RMC1: variants seen among roughly 807,000 people sequenced by gnomAD.
The protein encoded by RMC1 is regulator of MON1-CCZ1.
RMC1 carries 44 observed loss-of-function variants against 95.5 expected under a neutral mutation model. That is an observed-to-expected ratio of 0.46 (90% CI 0.36 to 0.59). The LOEUF is 0.59. Ranked by LOEUF, RMC1 falls within the 20% of genes least tolerant of loss-of-function variation. RMC1 has a pLI of 0.00. For synonymous variants in RMC1, 320 were observed against 303.6 expected, an observed-to-expected ratio of 1.05 and a Z score of -0.56; for missense variants, 705 against 819.6, an observed-to-expected ratio of 0.86 and a Z score of 1.71.
chr18:23,507,110 A>G lies in RMC1; in HGVS notation c.264+56A>G, dbSNP rs2057735026. On this transcript the variant is annotated intron_variant, in intron 3 of 19. Coordinates refer to ENST00000269221, the MANE Select transcript of RMC1 (RefSeq NM_013326.5). ...AGGGCATTAGAAATACATTTGGAAG[A>G]GAAGGAATCGCAAATTTTCAGTGTT... 5.5e-6 allele frequency: 7 copies of G among 1,283,058 alleles called. 1 individual carries two copies. In the South Asian group the frequency reaches 9.1e-5, roughly 17 times the overall value. The allele number at this position is 1,283,058 out of a possible 1,614,324, so 79.5% of individuals were successfully genotyped here.
chr18:23,516,718 TTTCTTC>T (rs142986954), intron 7 of RMC1, among the ~76,000 whole-genome samples: 2 of 145,320 alleles, frequency 1.4e-5, no homozygotes, highest in Non-Finnish European at 3.0e-5. Flanking sequence ...TGTTTTAGAA[TTTCTTC>T]TTCTTTTTTT....
In RMC1 at chr18:23,503,626, A is replaced by C. The variant is rs1271362936; in HGVS notation, c.8A>C (p.Glu3Ala). MG[E>A]EDYYLELCER... Reference sequence around the variant, plus strand: ...GCGGGCGCGGCGCCCGCCATGGGCGAGGAGGACTACTATCTGGAGCTGTGC... The same window carrying C: ...GCGGGCGCGGCGCCCGCCATGGGCGCGGAGGACTACTATCTGGAGCTGTGC... The change falls in exon 1 of 20, where the codon GAG becomes GCG. Residue 3 changes from glutamate to alanine, a missense_variant. Glu to Ala is a moderately radical substitution (Grantham distance 107, BLOSUM62 -1). Transcript: ENST00000269221. 1.2e-5 allele frequency: 18 copies of C among 1,560,396 alleles called. No homozygotes were observed. In the East Asian group the frequency reaches 4.7e-4, roughly 41 times the overall value.
rs1378868378 is a variant in RMC1, at chr18:23,516,404, G to A, written c.634G>A (p.Asp212Asn). 1 of 1,614,204 alleles carries A rather than the reference G, an allele frequency of 6.2e-7. No individual in the cohort carries two copies. The highest frequency in any genetic ancestry group is 8.5e-7 in the Non-Finnish European group (1 of 1,180,024). The change falls in exon 7 of 20, where the codon GAC becomes AAC. Residue 212 changes from aspartate (D) to asparagine (N), a missense_variant. Asp to Asn is a conservative substitution (Grantham distance 23). Coordinates refer to ENST00000269221, the MANE Select transcript of RMC1 (RefSeq NM_013326.5). The stretch of plus-strand genomic sequence containing the variant: ...AACTAAACCCAGCCTTTCCGAAAGA[G>A]ACATCGCAATGGCTACCATGTATGT... ...KSTKPSLSER[D>N]IAMATIYGQL...
intron 5 of RMC1, among the ~76,000 whole-genome samples, chr18:23,515,426 A>T (rs1280577846): frequency 6.6e-6 from 1 of 152,236 alleles, no homozygotes; most frequent in Non-Finnish European, 1.5e-5. Flanking sequence ...GTTAAGTAGT[A>T]GCTGTAATAA....
At chr18:23,514,430 G>A (rs1219664463) in intron 5 of RMC1, among the ~76,000 whole-genome samples, 1 of 152,102 alleles carries the variant, frequency 6.6e-6, no homozygotes, top group Non-Finnish European at 1.5e-5. Context: ...GGTGGTGGGC[G>A]CCTATAATCC....
chr18:23,528,902 G>A (rs935968952), intron 14 of RMC1: 11 of 282,434 alleles, frequency 3.9e-5, no homozygotes, highest in African/African-American at 2.0e-4. Flanking sequence ...TTTTTGAGAC[G>A]GAGTTTTGTT....
rs765881491 is a variant in RMC1, at chr18:23,512,254, CAAAT to C, written c.408+2978_408+2981del. ...CAGGCTGGTCTTGAACCCCTGGCCT[CAAAT>C]AATCCACCTATCTCGGCCCCCTAAA... is the stretch of plus-strand genomic sequence containing the variant. On this transcript the variant is annotated intron_variant, in intron 5 of 19. Transcript: ENST00000269221. Among the ~76,000 whole-genome samples the C allele has an allele frequency of 2.2e-3, 338 of 152,136 alleles. 6 individuals are homozygous for C. The highest frequency in any genetic ancestry group is 7.4e-4 in the Non-Finnish European group (50 of 68,006).
chr18:23,517,605 T>C (rs1287738877), intron 7 of RMC1, among the ~76,000 whole-genome samples: 1 of 152,238 alleles, frequency 6.6e-6, no homozygotes. Context: ...TTACTTCTGA[T>C]TCTTCTGTGG....
intron 12 of RMC1, among the ~76,000 whole-genome samples, chr18:23,524,941 C>CTTTTTT (rs5823396): frequency 1.2e-3 from 83 of 69,204 alleles, no homozygotes; most frequent in East Asian, 2.0e-3. Flanking sequence ...TTAGAGAAAT[C>CTTTTTT]TTTTTTTTTT....
rs73392106 is a variant in RMC1 at position 23,531,370 on chromosome 18, T to C, written c.1895-255T>C. The C allele has an allele frequency of 5.1e-3, 2,759 of 546,060 alleles. 63 individuals carry two copies. The highest frequency in any genetic ancestry group is 0.049 in the African/African-American group (2,592 of 52,716). 33.8% of individuals were successfully genotyped at this position (546,060 alleles called of 1,614,324 possible). ...ATAGGGAAGGATCAGGGCTGTCTAATGAAACTTCTAGGTCTATTTCTAGCT... is the reference window on the plus strand; with the variant it reads ...ATAGGGAAGGATCAGGGCTGTCTAACGAAACTTCTAGGTCTATTTCTAGCT... On this transcript the variant is annotated intron_variant, in intron 19 of 19. Transcript: ENST00000269221.
At chr18:23,507,935 G>A in intron 3 of RMC1, 50 bp from the exon 4 acceptor site, 2 of 1,569,668 alleles carry the variant, frequency 1.3e-6, no homozygotes, top group African/African-American at 1.4e-5. Flanking sequence ...TAGGTTGGCA[G>A]TATGCTGCCT....
intron 12 of RMC1, among the ~76,000 whole-genome samples, chr18:23,526,326 G>C (rs1028090953): frequency 7.2e-5 from 11 of 152,202 alleles, no homozygotes; most frequent in Admixed American, 7.2e-4. Flanking sequence ...CTAGGTCTAG[G>C]GAAGTCCCCG....
chr18:23,531,760 A>G lies in RMC1; in HGVS notation c.*56A>G. ...TGTACAAAGTTAATTTATTGCATTAATAAAGCTCTTTAAACTATAAAATGT... is the reference window on the plus strand; with the variant it reads ...TGTACAAAGTTAATTTATTGCATTAGTAAAGCTCTTTAAACTATAAAATGT... On this transcript the variant is annotated 3_prime_UTR_variant, in exon 20 of 20. Coordinates refer to ENST00000269221, the MANE Select transcript of RMC1 (RefSeq NM_013326.5). The G allele has an allele frequency of 1.3e-6, 2 of 1,585,176 alleles. No individual in the cohort carries two copies. The highest frequency in any genetic ancestry group is 2.3e-5 in the South Asian group (2 of 85,900).
Position 23,529,305 on chromosome 18 carries a change from T to C in RMC1, c.1416+7T>C, listed in dbSNP as rs1652375. ...AGCCTTTGTGGAAAAGAAGGTGGGC[T>C]GCAGCTTTCCGCCTCTTCTGGACTG... is the stretch of plus-strand genomic sequence containing the variant. On this transcript the variant is annotated splice_region_variant and intron_variant, in intron 15 of 19. Coordinates refer to ENST00000269221, the MANE Select transcript of RMC1 (RefSeq NM_013326.5). 0.68 allele frequency: 1,098,007 copies of C among 1,604,614 alleles called. 381,045 individuals are homozygous for C. Among genetic ancestry groups the C allele is most frequent in the East Asian group, 0.94 (42,032 of 44,832 alleles).
intron 5 of RMC1, among the ~76,000 whole-genome samples, chr18:23,510,579 G>A (rs2057826963): frequency 1.3e-5 from 2 of 152,064 alleles, no homozygotes; most frequent in South Asian, 2.1e-4. Flanking sequence ...CCTGGAAGGC[G>A]GAGCTTGTAG....
chr18:23,519,807 T>G (rs2058098190), intron 9 of RMC1, among the ~76,000 whole-genome samples: 1 of 152,162 alleles, frequency 6.6e-6, no homozygotes, highest in Admixed American at 6.5e-5. Context: ...TGAGGCCGTG[T>G]GGACCAGGAC....
In RMC1 at chr18:23,509,876, T is replaced by G. The variant is rs554469916; in HGVS notation, c.408+597T>G. 2.8e-4 allele frequency among the ~76,000 whole-genome samples: 42 copies of G among 151,418 alleles called. 1 individual carries two copies. In the South Asian group the frequency reaches 8.4e-3, roughly 30 times the overall value. On this transcript the variant is annotated intron_variant, in intron 5 of 19. Transcript: ENST00000269221. ...GCCCGGCCCTGGCTAATTTTTAAAC[T>G]TTTTTGTAGAGACGAAGTCTTGCTA...
chr18:23,503,595 C>A lies in RMC1; in HGVS notation c.-24C>A. On this transcript the variant is annotated 5_prime_UTR_variant, in exon 1 of 20. Transcript: ENST00000269221. ...CACTCTGGCGACCGCCCCCGGGGCCCCCGCCGCGGGCGCGGCGCCCGCCAT... is the reference window on the plus strand; with the variant it reads ...CACTCTGGCGACCGCCCCCGGGGCCACCGCCGCGGGCGCGGCGCCCGCCAT... 2.6e-6 allele frequency: 4 copies of A among 1,535,820 alleles called. No individual in the cohort carries two copies. The highest frequency in any genetic ancestry group is 3.5e-6 in the Non-Finnish European group (4 of 1,140,280).
chr18:23,514,666 T>G (rs1284756043), intron 5 of RMC1, among the ~76,000 whole-genome samples: 2 of 152,210 alleles, frequency 1.3e-5, no homozygotes, highest in South Asian at 4.1e-4. Context: ...ATGGGAAGGA[T>G]GGCTTGCTTT....
Sources: gnomAD v4.1 joint callset for allele counts (sites outside exome capture counted in the v4.1 genomes callset) on GRCh38, gnomAD v4.1.1 for gene constraint, MANE v1.5 for transcripts, NCBI Gene and HGNC (gene_info 2026-07-23, HGNC 2026-07-21) for gene names.